Variants in IL1RAPL1 observed in about 807,000 individuals in gnomAD.
IL1RAPL1 encodes the protein interleukin-1 receptor accessory protein-like 1.
In IL1RAPL1, 3 loss-of-function variants were observed where a neutral mutation model predicts 48.4. The ratio of observed to expected loss-of-function variants is 0.06; its 90% CI spans 0.03 to 0.16. IL1RAPL1 has a LOEUF of 0.16. IL1RAPL1 is among the 10% of genes least tolerant of loss of function. IL1RAPL1 has a pLI of 1.00. For missense variants in IL1RAPL1, 349 were observed against 530.6 expected, an observed-to-expected ratio of 0.66 and a Z score of 3.36; for synonymous variants, 185 against 187.7, an observed-to-expected ratio of 0.99 and a Z score of 0.12.
At chrX:28,992,502 G>GAAAAAAAAAAAAAAAA (rs60650174) in intron 2 of IL1RAPL1, among the ~76,000 whole-genome samples, 1 of 49,590 alleles carries the variant, frequency 2.0e-5, no homozygotes, top group Non-Finnish European at 3.8e-5. Context: ...AAAAAAAAAA[G>GAAAAAAAAAAAAAAAA]AAAAAAAAAA....
chrX:29,040,448 C>T (rs995149341), intron 2 of IL1RAPL1, among the ~76,000 whole-genome samples: 3 of 111,702 alleles, frequency 2.7e-5, no homozygotes. Context: ...TGAGATGGGG[C>T]TTGAAATTTT....
chrX:28,679,737 TG>T (rs1305823131), intron 1 of IL1RAPL1, among the ~76,000 whole-genome samples: 1 of 112,201 alleles, frequency 8.9e-6, no homozygotes, highest in Non-Finnish European at 1.9e-5. Context: ...TTTTATTTTC[TG>T]GGCATCTTTG....
chrX:28,667,118 G>T (rs1291808275), intron 1 of IL1RAPL1, among the ~76,000 whole-genome samples: 1 of 111,010 alleles, frequency 9.0e-6, no homozygotes, highest in East Asian at 2.8e-4. Flanking sequence ...TTTCAGGATG[G>T]TCATTTAAAA....
At chrX:29,350,257 C>T (rs1433784887) in intron 3 of IL1RAPL1, among the ~76,000 whole-genome samples, 1 of 82,989 alleles carries the variant, frequency 1.2e-5, no homozygotes. Flanking sequence ...GATACACCCC[C>T]CCCCCCACCT....
chrX:29,832,691 GT>G (rs1458613150), intron 6 of IL1RAPL1, among the ~76,000 whole-genome samples: 2 of 99,450 alleles, frequency 2.0e-5, no homozygotes, highest in Admixed American at 2.3e-4. Flanking sequence ...TGTAAATGCT[GT>G]TTTTTTGTTT....
At chrX:29,689,536 G>T (rs952155216) in intron 6 of IL1RAPL1, among the ~76,000 whole-genome samples, 1 of 112,590 alleles carries the variant, frequency 8.9e-6, no homozygotes, top group Non-Finnish European at 1.9e-5. Flanking sequence ...GGGATGAAGA[G>T]CTTATTTCAA....
intron 3 of IL1RAPL1, among the ~76,000 whole-genome samples, chrX:29,332,820 G>A (rs1261460228): frequency 9.1e-6 from 1 of 110,202 alleles, no homozygotes; most frequent in Admixed American, 9.6e-5. Context: ...GTGTCCCTGG[G>A]TACTTAAGAT....
intron 5 of IL1RAPL1, among the ~76,000 whole-genome samples, chrX:29,543,496 A>G (rs1283059941): frequency 9.0e-6 from 1 of 110,803 alleles, no homozygotes; most frequent in Non-Finnish European, 1.9e-5. Flanking sequence ...TGCGAACACA[A>G]TAATTGAAAC....
chrX:28,802,435 A>G (rs938217571), intron 2 of IL1RAPL1, among the ~76,000 whole-genome samples: 1 of 112,414 alleles, frequency 8.9e-6, no homozygotes, highest in Non-Finnish European at 1.9e-5. Context: ...TGAGGGTTAT[A>G]TATAAATATT....
At chrX:29,100,986 T>C (rs941728283) in intron 2 of IL1RAPL1, among the ~76,000 whole-genome samples, 1 of 111,959 alleles carries the variant, frequency 8.9e-6, no homozygotes, top group Non-Finnish European at 1.9e-5. Context: ...TTTGGGAATG[T>C]GTATAACTGT....
chrX:28,757,729 T>G (rs1233693137), intron 1 of IL1RAPL1, among the ~76,000 whole-genome samples: 3 of 112,303 alleles, frequency 2.7e-5, no homozygotes, highest in East Asian at 5.6e-4. Flanking sequence ...AGGTGCTATG[T>G]GGGCTCTCAT....
intron 2 of IL1RAPL1, among the ~76,000 whole-genome samples, chrX:28,879,629 G>A (rs1366649852): frequency 9.0e-6 from 1 of 111,666 alleles, no homozygotes; most frequent in East Asian, 2.8e-4. Context: ...GTGAATGCAT[G>A]ATATATGTCA....
At chrX:29,128,669 C>T (rs952558518) in intron 2 of IL1RAPL1, among the ~76,000 whole-genome samples, 4 of 111,500 alleles carry the variant, frequency 3.6e-5, no homozygotes, top group Non-Finnish European at 7.5e-5. Flanking sequence ...CCTGGCTTGC[C>T]TCTGAGTTCT....
intron 2 of IL1RAPL1, among the ~76,000 whole-genome samples, chrX:29,150,420 A>G (rs1392786869): frequency 9.0e-6 from 1 of 111,424 alleles, no homozygotes; most frequent in Non-Finnish European, 1.9e-5. Context: ...TATTATTTCA[A>G]TGTAAAAAAA....
At chrX:29,806,613 C>G (rs1930261882) in intron 6 of IL1RAPL1, among the ~76,000 whole-genome samples, 1 of 110,415 alleles carries the variant, frequency 9.1e-6, no homozygotes, top group African/African-American at 3.3e-5. Flanking sequence ...GGTGAGCAGA[C>G]AAGCCAAGGG....
In IL1RAPL1 at chrX:29,228,332, A is replaced by AATGTGTGTGTGTGTGT. The variant is rs777963523; in HGVS notation, c.83-54606_83-54605insATGTGTGTGTGTGTGT. Among the ~76,000 whole-genome samples, 727 of 79,536 alleles carry AATGTGTGTGTGTGTGT rather than the reference A, an allele frequency of 9.1e-3. 31 individuals carry two copies. Among genetic ancestry groups the AATGTGTGTGTGTGTGT allele is most frequent in the South Asian group, 0.015 (20 of 1,364 alleles). 69.1% of individuals were successfully genotyped at this position (79,536 alleles called of 115,157 possible). The stretch of plus-strand genomic sequence containing the variant: ...TAAACACTGTAGTTTAGTTTTGCCT[A>AATGTGTGTGTGTGTGT]GTGTGTGTGTGTGTGTGTGTGTGTG... On this transcript the variant is annotated intron_variant, in intron 2 of 10. Coordinates refer to ENST00000378993, the MANE Select transcript of IL1RAPL1 (RefSeq NM_014271.4).
intron 2 of IL1RAPL1, among the ~76,000 whole-genome samples, chrX:28,856,573 T>C (rs964158802): frequency 3.6e-5 from 4 of 111,731 alleles, no homozygotes; most frequent in African/African-American, 1.3e-4. Context: ...CGTGTCACAT[T>C]GGTAACTCTC....
At chrX:29,091,934 G>C (rs1332905899) in intron 2 of IL1RAPL1, among the ~76,000 whole-genome samples, 2 of 110,786 alleles carry the variant, frequency 1.8e-5, no homozygotes, top group Non-Finnish European at 3.8e-5. Flanking sequence ...TCTTAAAGAT[G>C]GTCAAAAAAA....
At chrX:29,020,540 A>G (rs759538104) in intron 2 of IL1RAPL1, among the ~76,000 whole-genome samples, 1 of 112,310 alleles carries the variant, frequency 8.9e-6, no homozygotes, top group East Asian at 2.8e-4. Flanking sequence ...TGATATTCAC[A>G]TGACGATGAA....
Sources: allele counts gnomAD v4.1 joint callset (sites outside exome capture counted in the v4.1 genomes callset), GRCh38; gene constraint gnomAD v4.1.1; transcripts MANE v1.5; gene names NCBI Gene and HGNC (gene_info 2026-07-23, HGNC 2026-07-21).